The following TCF20 variants were observed in gnomAD, a reference collection of about 807,000 sequenced individuals.
TCF20 encodes the protein transcription factor 20.
A neutral mutation model predicts 148.6 loss-of-function variants in TCF20; 3 were observed. The observed-to-expected ratio is 0.02, with a 90% CI of 0.01 to 0.05. TCF20 has a LOEUF of 0.05. Among genes scored for constraint, TCF20 ranks in the 10% least tolerant of loss-of-function variants. TCF20 has a pLI of 1.00. For synonymous variants in TCF20, 1,049 were observed against 909.5 expected (o/e 1.15, Z -2.76); for missense variants, 2,350 against 2,429.3 (o/e 0.97, Z 0.69).
intron 1 of TCF20, among the ~76,000 whole-genome samples, chr22:42,326,398 C>T (rs940373541): frequency 3.9e-5 from 6 of 152,222 alleles, no homozygotes; most frequent in African/African-American, 1.2e-4. Context: ...CTTCCCATCT[C>T]GGCTGGGGCC....
At chr22:42,245,970 A>G (rs1218317568) in intron 1 of TCF20, among the ~76,000 whole-genome samples, 3 of 152,094 alleles carry the variant, frequency 2.0e-5, no homozygotes, top group Non-Finnish European at 2.9e-5. Context: ...TTCCCACACA[A>G]TACTGTTGAA....
At chr22:42,271,893 G>T (rs1926634646), upstream of TCF20, among the ~76,000 whole-genome samples, 1 of 152,162 alleles carries the variant, frequency 6.6e-6, no homozygotes, top group Non-Finnish European at 1.5e-5. Flanking sequence ...GCTTCCCGGG[G>T]CCTGCTTTTA....
At chr22:42,309,453 G>A (rs967131200) in intron 1 of TCF20, among the ~76,000 whole-genome samples, 9 of 151,570 alleles carry the variant, frequency 5.9e-5, no homozygotes, top group Admixed American at 1.3e-4. Flanking sequence ...TTGGGCCTCC[G>A]CGCTCTGGCC....
At position 42,228,022 on chromosome 22, in the gene TCF20, T is replaced by C. The variant is rs191654106; in HGVS notation, c.-36-12681A>G. The stretch of plus-strand genomic sequence containing the variant: ...TGTGAAGTACCAGTGAAAGGTCTTA[T>C]AAAAAGTAAGAGCCACATGGGGAAG... On this transcript the variant is annotated intron_variant, in intron 1 of 5. Transcript: ENST00000677622. Among the ~76,000 whole-genome samples, 4 of 152,320 alleles carry C rather than the reference T, an allele frequency of 2.6e-5. No homozygotes were observed. In the East Asian group the frequency reaches 7.7e-4, roughly 29 times the overall value.
intron 1 of TCF20, among the ~76,000 whole-genome samples, chr22:42,259,309 C>G (rs971979257): frequency 4.6e-5 from 7 of 152,168 alleles, no homozygotes; most frequent in African/African-American, 1.7e-4. Flanking sequence ...TTTTAGGGGG[C>G]TGAGACCCAA....
At chr22:42,329,638 C>T (rs1010183466) in intron 1 of TCF20, among the ~76,000 whole-genome samples, 2 of 152,202 alleles carry the variant, frequency 1.3e-5, no homozygotes, top group Non-Finnish European at 2.9e-5. Context: ...CATGCTGGAT[C>T]GCCACCCAGG....
Position 42,212,291 on chromosome 22 carries a change from G to T in TCF20, c.3015C>A (p.Ser1005=), listed in dbSNP as rs1249454650. ...VGGREGMRGR[S]PSQYHDFAEK... ...CTGCAAAGTCATGATATTGAGAAGG[G>T]GACCGACCCCTCATGCCCTCCCGAC... is the stretch of plus-strand genomic sequence containing the variant. Residue 1005 remains serine (S), a synonymous_variant, in exon 2 of 6, where the codon TCC becomes TCA. Transcript: ENST00000677622. 6.2e-7 allele frequency: 1 copy of T among 1,614,184 alleles called. No individual in the cohort carries two copies. Among genetic ancestry groups the T allele is most frequent in the Non-Finnish European group, 8.5e-7 (1 of 1,180,032 alleles).
Position 42,212,176 on chromosome 22 carries a change from T to C in TCF20, c.3130A>G (p.Asn1044Asp). 1 of 1,614,222 alleles carries C rather than the reference T, an allele frequency of 6.2e-7. No homozygotes were observed. Among genetic ancestry groups the C allele is most frequent in the Non-Finnish European group, 8.5e-7 (1 of 1,180,034 alleles). Reference sequence around the variant, plus strand: ...AAGGGAGTGTGTAAAGAACTCCGGTTAGCCCTCTCTGAAAAGGTCATGTGT... The same window carrying C: ...AAGGGAGTGTGTAAAGAACTCCGGTCAGCCCTCTCTGAAAAGGTCATGTGT... ...NPHMTFSERA[N>D]RSSLHTPFSP... Residue 1044 changes from asparagine (N) to aspartate (D), a missense_variant, in exon 2 of 6, where the codon AAC (asparagine) becomes GAC (aspartate). This residue lies in a region of TCF20 where 1,641 missense variants were observed against 1,662.6 expected (regional missense o/e 0.99). Transcript: ENST00000677622.
intron 5 of TCF20, among the ~76,000 whole-genome samples, chr22:42,161,587 G>C (rs1935463418): frequency 6.6e-6 from 1 of 152,206 alleles, no homozygotes; most frequent in South Asian, 2.1e-4. Flanking sequence ...GGGGTGCTGG[G>C]GTTGGACTCT....
At chr22:42,221,360 T>C (rs1922341090) in intron 1 of TCF20, among the ~76,000 whole-genome samples, 1 of 152,128 alleles carries the variant, frequency 6.6e-6, no homozygotes, top group Non-Finnish European at 1.5e-5. Flanking sequence ...ATAGACAACT[T>C]CTCTTTTCCT....
chr22:42,308,062 T>C (rs1927466860), intron 1 of TCF20, among the ~76,000 whole-genome samples: 2 of 152,348 alleles, frequency 1.3e-5, no homozygotes, highest in South Asian at 4.1e-4. Flanking sequence ...CATTCCCTCC[T>C]AACAGCACAG....
upstream of TCF20, among the ~76,000 whole-genome samples, chr22:42,271,630 TCTC>T (rs1926625366): frequency 6.6e-6 from 1 of 152,170 alleles, no homozygotes; most frequent in African/African-American, 2.4e-5. Context: ...CTGGCCAAAT[TCTC>T]CTCCCACTTT....
At chr22:42,179,724 G>C in intron 2 of TCF20, 22 bp from the exon 3 acceptor site, 2 of 1,570,114 alleles carry the variant, frequency 1.3e-6, no homozygotes, top group Non-Finnish European at 1.8e-6. Context: ...GGAAAAGTCA[G>C]GCATGTCAGT....
At chr22:42,263,079 A>G (rs978725296) in intron 1 of TCF20, among the ~76,000 whole-genome samples, 1 of 152,096 alleles carries the variant, frequency 6.6e-6, no homozygotes, top group African/African-American at 2.4e-5. Flanking sequence ...CCTTCCCCCA[A>G]CAGCCCAAAA....
intron 1 of TCF20, among the ~76,000 whole-genome samples, chr22:42,322,772 G>A (rs1252773460): frequency 1.4e-5 from 2 of 144,016 alleles, no homozygotes; most frequent in Non-Finnish European, 3.0e-5. Flanking sequence ...CTGAGTGAAT[G>A]AATGAGTGCC....
At chr22:42,167,577 G>C (rs1238506866) in intron 5 of TCF20, among the ~76,000 whole-genome samples, 1 of 152,162 alleles carries the variant, frequency 6.6e-6, no homozygotes, top group Non-Finnish European at 1.5e-5. Flanking sequence ...GACGCAGGGA[G>C]GGTGAAGGAG....
chr22:42,254,057 C>T (rs549499993), intron 1 of TCF20, among the ~76,000 whole-genome samples: 3 of 58,522 alleles, frequency 5.1e-5, no homozygotes, highest in African/African-American at 2.0e-4. Flanking sequence ...GCCTGGGCAA[C>T]AAGAGCAAAA....
At chr22:42,286,455 G>A (rs1927032874), upstream of TCF20, among the ~76,000 whole-genome samples, 1 of 152,204 alleles carries the variant, frequency 6.6e-6, no homozygotes, top group Non-Finnish European at 1.5e-5. Context: ...AGCCACACAT[G>A]CTCCACCTGT....
upstream of TCF20, among the ~76,000 whole-genome samples, chr22:42,284,745 T>C (rs77979590): frequency 0.018 from 2,809 of 152,294 alleles, 95 homozygotes; most frequent in African/African-American, 0.064. Context: ...TGGCTCTGTT[T>C]CTCTGTGTAC....
Sources: gnomAD v4.1 joint callset for allele counts (sites outside exome capture counted in the v4.1 genomes callset) on GRCh38, gnomAD v4.1.1 for gene constraint, gnomAD v4.1.1 regional missense constraint, MANE v1.5 for transcripts, NCBI Gene and HGNC (gene_info 2026-07-23, HGNC 2026-07-21) for gene names.